Variants in CCDC91 observed in about 807,000 individuals in gnomAD.
CCDC91 encodes coiled-coil domain containing 91, also known as coiled-coil domain-containing protein 91.
A neutral mutation model predicts 63.2 loss-of-function variants in CCDC91; 48 were observed. That is an observed-to-expected ratio of 0.76 (90% CI 0.60 to 0.97). The LOEUF (loss-of-function observed/expected upper bound fraction) is 0.97, where lower values mean the gene tolerates loss of function less well. CCDC91 is among the 50% of genes least tolerant of loss of function. The pLI is 0.00. For missense variants in CCDC91, 500 were observed against 494.6 expected (o/e 1.01, Z -0.10); for synonymous variants, 167 against 165.8 (o/e 1.01, Z -0.06).
intron 3 of CCDC91, among the ~76,000 whole-genome samples, chr12:28,274,239 T>G (rs945124693): frequency 6.6e-6 from 1 of 152,206 alleles, no homozygotes; most frequent in Non-Finnish European, 1.5e-5. Context: ...TTTTGGTTAC[T>G]GTAGCCTTGG....
chr12:28,361,228 T>C (rs1208472879), intron 6 of CCDC91, among the ~76,000 whole-genome samples: 1 of 151,850 alleles, frequency 6.6e-6, no homozygotes, highest in Admixed American at 6.6e-5. Context: ...ATGTGCACAA[T>C]GTGCAGGTTA....
intron 11 of CCDC91, among the ~76,000 whole-genome samples, chr12:28,466,009 T>C (rs1453895179): frequency 6.6e-6 from 1 of 152,046 alleles, no homozygotes; most frequent in Non-Finnish European, 1.5e-5. Flanking sequence ...AACTCTGAAT[T>C]GAAAATGCAA....
At chr12:28,269,471 A>G (rs1169615162) in intron 3 of CCDC91, among the ~76,000 whole-genome samples, 1 of 152,022 alleles carries the variant, frequency 6.6e-6, no homozygotes, top group African/African-American at 2.4e-5. Context: ...ATCTCAGTCA[A>G]AAGCCACCAT....
chr12:28,267,928 ATATATAATTATATATAATT>A (rs1947440553), intron 3 of CCDC91, among the ~76,000 whole-genome samples: 1 of 101,888 alleles, frequency 9.8e-6, no homozygotes, highest in South Asian at 2.5e-4. Context: ...TATTATAATT[ATATATAATTATATATAATT>A]ATTATATATA....
At chr12:28,219,768 C>T (rs114409190) in intron 1 of CCDC91, among the ~76,000 whole-genome samples, 1,780 of 152,152 alleles carry the variant, frequency 0.012, 9 homozygotes, top group Middle Eastern at 0.02. Flanking sequence ...CCACTGCGCC[C>T]GGCCCCCATT....
intron 1 of CCDC91, among the ~76,000 whole-genome samples, chr12:28,247,919 C>T (rs1305914192): frequency 2.0e-5 from 3 of 152,258 alleles, no homozygotes; most frequent in Admixed American, 1.3e-4. Context: ...CAATAGGGTT[C>T]GTGCTCCTTT....
chr12:28,419,281 A>G (rs980174700), intron 8 of CCDC91, among the ~76,000 whole-genome samples: 1 of 152,274 alleles, frequency 6.6e-6, no homozygotes, highest in African/African-American at 2.4e-5. Flanking sequence ...ATCTCACTTT[A>G]TTCTACCACA....
chr12:28,484,232 A>AAATTT (rs1951602465), intron 12 of CCDC91, 67 bp downstream of exon 12: 1 of 762,998 alleles, frequency 1.3e-6, no homozygotes, highest in African/African-American at 1.8e-5. Context: ...CCATACAATA[A>AAATTT]CATGAAATTG....
At chr12:28,435,115 C>T (rs1485017422) in intron 8 of CCDC91, among the ~76,000 whole-genome samples, 1 of 151,310 alleles carries the variant, frequency 6.6e-6, no homozygotes, top group African/African-American at 2.4e-5. Context: ...TTTTTTTCCT[C>T]TATTTTCTGT....
At chr12:28,372,423 G>C (rs1944675438) in intron 7 of CCDC91, among the ~76,000 whole-genome samples, 1 of 152,008 alleles carries the variant, frequency 6.6e-6, no homozygotes, top group African/African-American at 2.4e-5. Context: ...TGGGCAGTGT[G>C]GTCATTTTAA....
chr12:28,216,383 G>A (rs1358177658), intron 1 of CCDC91, among the ~76,000 whole-genome samples: 1 of 151,958 alleles, frequency 6.6e-6, no homozygotes, highest in Non-Finnish European at 1.5e-5. Flanking sequence ...TTGCAATTCA[G>A]TTACTTTAAC....
chr12:28,479,018 C>T (rs1486744073), intron 11 of CCDC91, among the ~76,000 whole-genome samples: 1 of 152,076 alleles, frequency 6.6e-6, no homozygotes, highest in Non-Finnish European at 1.5e-5. Flanking sequence ...GTTGGTGGGA[C>T]TGTAAATTAG....
At chr12:28,252,598 C>T (rs879432475) in intron 1 of CCDC91, among the ~76,000 whole-genome samples, 5 of 151,992 alleles carry the variant, frequency 3.3e-5, no homozygotes, top group Non-Finnish European at 7.4e-5. Context: ...ATCATTTTCT[C>T]CCCTGAAATT....
chr12:28,446,523 TA>T (rs747836070), intron 8 of CCDC91, among the ~76,000 whole-genome samples: 2 of 152,190 alleles, frequency 1.3e-5, no homozygotes, highest in African/African-American at 2.4e-5. Flanking sequence ...AGTTTTAATA[TA>T]AATACAGTTT....
At chr12:28,302,719 G>A (rs1938214538) in intron 3 of CCDC91, 1 of 793,092 alleles carries the variant, frequency 1.3e-6, no homozygotes, top group Non-Finnish European at 1.5e-6. Context: ...TATTAACTGA[G>A]ATGGAAAACA....
At chr12:28,208,056 C>A (rs1263207900) in intron 1 of CCDC91, among the ~76,000 whole-genome samples, 1 of 152,094 alleles carries the variant, frequency 6.6e-6, no homozygotes, top group African/African-American at 2.4e-5. Context: ...ATAACCCAGT[C>A]AGTCTTTTCA....
At chr12:28,203,396 C>G (rs1201379068) in intron 1 of CCDC91, among the ~76,000 whole-genome samples, 1 of 152,080 alleles carries the variant, frequency 6.6e-6, no homozygotes, top group Admixed American at 6.5e-5. Context: ...TTTTAATAGC[C>G]CAAGTTCTTC....
chr12:28,423,373 T>C (rs923651311), intron 8 of CCDC91, among the ~76,000 whole-genome samples: 5 of 152,144 alleles, frequency 3.3e-5, no homozygotes, highest in Admixed American at 1.3e-4. Context: ...TATGCAGTCC[T>C]AGTGAACAAA....
chr12:28,450,447 TGTAA>T (rs780916165), intron 10 of CCDC91, 29 bp downstream of exon 10: 8 of 1,465,706 alleles, frequency 5.5e-6, no homozygotes, highest in African/African-American at 4.2e-5. Context: ...GTGGGTTGCT[TGTAA>T]GTAAGTGGAA....
Sources: allele counts gnomAD v4.1 joint callset (sites outside exome capture counted in the v4.1 genomes callset), GRCh38; gene constraint gnomAD v4.1.1; transcripts MANE v1.5; gene names NCBI Gene and HGNC (gene_info 2026-07-23, HGNC 2026-07-21).